ZBBX: variants seen among roughly 807,000 people sequenced by gnomAD.
ZBBX encodes the protein zinc finger B-box domain-containing protein 1.
A neutral mutation model predicts 108.5 loss-of-function variants in ZBBX; 101 were observed. The ratio of observed to expected loss-of-function variants is 0.93; its 90% CI spans 0.79 to 1.10. The LOEUF (loss-of-function observed/expected upper bound fraction) is 1.10. Ranked by LOEUF, ZBBX falls within the 50% of genes least tolerant of loss-of-function variation. ZBBX has a pLI of 0.00. For missense variants in ZBBX, 1,009 were observed against 941.4 expected, an observed-to-expected ratio of 1.07 and a Z score of -0.94; for synonymous variants, 356 against 323.4, an observed-to-expected ratio of 1.10 and a Z score of -1.08.
chr3:167,271,726 C>G (rs1336820713), intron 20 of ZBBX, among the ~76,000 whole-genome samples: 3 of 152,144 alleles, frequency 2.0e-5, no homozygotes, highest in Non-Finnish European at 2.9e-5. Context: ...AAGAAATCTC[C>G]CTTGGTGGGG....
At chr3:167,282,619 G>A in intron 19 of ZBBX, 124 bp from the exon 20 acceptor site, 1 of 812,156 alleles carries the variant, frequency 1.2e-6, no homozygotes. Flanking sequence ...TTTATGAAAA[G>A]TTAACTTTGA....
At chr3:167,311,711 G>A (rs1411911414) in intron 16 of ZBBX, among the ~76,000 whole-genome samples, 1 of 149,946 alleles carries the variant, frequency 6.7e-6, no homozygotes, top group Non-Finnish European at 1.5e-5. Flanking sequence ...ACAGAGAATT[G>A]CAAATCAAAA....
chr3:167,284,265 A>G (rs773721434), intron 19 of ZBBX, among the ~76,000 whole-genome samples: 4 of 151,640 alleles, frequency 2.6e-5, no homozygotes, highest in East Asian at 1.9e-4. Flanking sequence ...TCTTTTATCT[A>G]TAATATGTAA....
chr3:167,185,765 C>T, the ZBBX span, among the ~76,000 whole-genome samples: 1 of 152,188 alleles, frequency 6.6e-6, no homozygotes, highest in East Asian at 1.9e-4. Flanking sequence ...GAATTCAACA[C>T]ATACTGCTTT....
At chr3:167,363,752 T>C (rs965156417) in intron 6 of ZBBX, among the ~76,000 whole-genome samples, 12 of 152,132 alleles carry the variant, frequency 7.9e-5, no homozygotes, top group South Asian at 2.1e-4. Context: ...ACTGCTTTCA[T>C]GCTGGCTGCA....
At chr3:167,223,735 T>C in the ZBBX span, among the ~76,000 whole-genome samples, 4 of 151,898 alleles carry the variant, frequency 2.6e-5, no homozygotes, top group African/African-American at 9.7e-5. Flanking sequence ...TTATTTTATG[T>C]TTTTTCTGGT....
At chr3:167,251,443 G>T (rs1300972240) in intron 20 of ZBBX, among the ~76,000 whole-genome samples, 1 of 152,158 alleles carries the variant, frequency 6.6e-6, no homozygotes, top group Non-Finnish European at 1.5e-5. Context: ...CACTCTCGTG[G>T]AGTTGGAGCC....
chr3:167,269,093 C>T (rs1354284279), intron 20 of ZBBX, among the ~76,000 whole-genome samples: 2 of 152,202 alleles, frequency 1.3e-5, no homozygotes, highest in African/African-American at 2.4e-5. Flanking sequence ...CCCTTTCCCT[C>T]ATTACCTCTG....
At chr3:167,289,898 A>G (rs6802664) in intron 18 of ZBBX, among the ~76,000 whole-genome samples, 124,583 of 152,072 alleles carry the variant, frequency 0.82, 51,437 homozygotes, top group African/African-American at 0.93. Flanking sequence ...AGCTTGGTGA[A>G]GGGAGAGGTG....
chr3:167,223,942 AT>A, the ZBBX span, among the ~76,000 whole-genome samples: 2 of 151,974 alleles, frequency 1.3e-5, no homozygotes, highest in Admixed American at 1.3e-4. Context: ...TTAAAAAGAC[AT>A]TAGCAGTAGA....
the ZBBX span, among the ~76,000 whole-genome samples, chr3:167,188,859 T>C: frequency 6.6e-6 from 1 of 152,164 alleles, no homozygotes; most frequent in Admixed American, 6.5e-5. Context: ...ATCTGGCATA[T>C]TACAACAAAG....
chr3:167,180,961 G>C, the ZBBX span, among the ~76,000 whole-genome samples: 2 of 152,154 alleles, frequency 1.3e-5, no homozygotes, highest in African/African-American at 4.8e-5. Context: ...GAGAATTCCA[G>C]GGGGAATATG....
the ZBBX span, among the ~76,000 whole-genome samples, chr3:167,178,909 C>T: frequency 1.3e-5 from 2 of 152,114 alleles, no homozygotes; most frequent in Admixed American, 1.3e-4. Context: ...GCAACTGCTG[C>T]TCCAGGGAGA....
the ZBBX span, among the ~76,000 whole-genome samples, chr3:167,223,456 A>AT: frequency 6.6e-6 from 1 of 151,808 alleles, no homozygotes; most frequent in Non-Finnish European, 1.5e-5. Flanking sequence ...CCTGGGAGGG[A>AT]TTTTGTGTCA....
intron 20 of ZBBX, among the ~76,000 whole-genome samples, chr3:167,245,934 A>T (rs1721498138): frequency 1.3e-5 from 2 of 152,220 alleles, no homozygotes; most frequent in Admixed American, 1.3e-4. Flanking sequence ...CAAATTATTT[A>T]TGTGGCATTG....
chr3:167,277,826 C>T (rs143264056), intron 20 of ZBBX, among the ~76,000 whole-genome samples: 4,055 of 152,168 alleles, frequency 0.027, 178 homozygotes, highest in African/African-American at 0.092. Context: ...ACATCTATTC[C>T]GAAATTGACC....
At chr3:167,373,295 C>G (rs1372988593) in intron 3 of ZBBX, among the ~76,000 whole-genome samples, 10 of 152,078 alleles carry the variant, frequency 6.6e-5, no homozygotes. Flanking sequence ...TATAAGGAAC[C>G]TGAGCATCCT....
intron 1 of ZBBX, among the ~76,000 whole-genome samples, chr3:167,394,676 C>T (rs1196060762): frequency 6.6e-6 from 1 of 151,824 alleles, no homozygotes; most frequent in Non-Finnish European, 1.5e-5. Context: ...CTAATAGATG[C>T]TACAGAAAGC....
chr3:167,316,979 T>C, intron 14 of ZBBX, 26 bp downstream of exon 14: 1 of 1,357,016 alleles, frequency 7.4e-7, no homozygotes, highest in Non-Finnish European at 1.0e-6. Flanking sequence ...AAATCATGAA[T>C]GGTCATTATG....
Sources: allele counts gnomAD v4.1 joint callset (sites outside exome capture counted in the v4.1 genomes callset), GRCh38; gene constraint gnomAD v4.1.1; transcripts MANE v1.5; gene names NCBI Gene and HGNC (gene_info 2026-07-23, HGNC 2026-07-21).